Variants in FIP1L1 observed in about 807,000 individuals in gnomAD.
FIP1L1 encodes factor interacting with PAPOLA and CPSF1, also known as pre-mRNA 3'-end-processing factor FIP1.
Under a neutral mutation model 84.6 loss-of-function variants are expected in FIP1L1, and 21 were observed. The ratio of observed to expected loss-of-function variants is 0.25; its 90% confidence interval spans 0.18 to 0.36. FIP1L1 has a LOEUF of 0.36. FIP1L1 is among the 10% of genes least tolerant of loss of function. The pLI is 1.00. For synonymous variants in FIP1L1, 263 were observed against 242.3 expected, an observed-to-expected ratio of 1.09 and a Z score of -0.80; for missense variants, 526 against 751.1, an observed-to-expected ratio of 0.70 and a Z score of 3.50.
At position 53,390,499 on chromosome 4, in the gene FIP1L1, A is replaced by C. The variant is rs564318110; in HGVS notation, c.398-22A>C. The C allele has an allele frequency of 5.9e-6, 9 of 1,518,982 alleles. No individual in the cohort carries two copies. The South Asian group carries it at 8.0e-5, about 14-fold the overall frequency. 94.1% of individuals were successfully genotyped at this position (1,518,982 alleles called of 1,614,324 possible). ...GGCTTCTTGCAAGTATAGCTCCTTC[A>C]TTTTGTAATTTTATAAAACAGGGAC... On this transcript the variant is annotated intron_variant, in intron 6 of 17. Transcript: ENST00000337488.
chr4:53,423,615 T>G (rs561010747), intron 11 of FIP1L1, among the ~76,000 whole-genome samples: 1 of 152,334 alleles, frequency 6.6e-6, no homozygotes, highest in East Asian at 1.9e-4. Context: ...TAAAACATTT[T>G]GGAACAAAAC....
intron 12 of FIP1L1, among the ~76,000 whole-genome samples, chr4:53,427,529 G>T (rs1764807936): frequency 6.6e-6 from 1 of 152,196 alleles, no homozygotes; most frequent in South Asian, 2.1e-4. Context: ...CTTGCAGTCT[G>T]TTGACACATG....
At chr4:53,388,439 A>G (rs1267243631) in intron 5 of FIP1L1, among the ~76,000 whole-genome samples, 1 of 151,658 alleles carries the variant, frequency 6.6e-6, no homozygotes, top group Non-Finnish European at 1.5e-5. Flanking sequence ...GGTTCACGCC[A>G]TTCTCATGCC....
In FIP1L1 at chr4:53,452,930, C is replaced by T. The variant is rs775298159; in HGVS notation, c.1296C>T (p.Pro432=). ...RAFPYGNVAF[P]HLPGSAPSWP... is the part of the protein sequence containing the mutation. ...GTGTTTTTTCTTTAGTTGCCTTTCC[C>T]CATCTTCCTGGTTCTGCTCCTTCGT... Residue 432 remains proline (P), a synonymous_variant, in exon 16 of 18, where the codon CCC becomes CCT. Coordinates refer to ENST00000337488, the MANE Select transcript of FIP1L1 (RefSeq NM_030917.4). 6.2e-7 allele frequency: 1 copy of T among 1,612,124 alleles called. No homozygotes were observed. Among genetic ancestry groups the T allele is most frequent in the Admixed American group, 1.7e-5 (1 of 59,994 alleles).
At chr4:53,448,096 T>C (rs1293011814) in intron 15 of FIP1L1, among the ~76,000 whole-genome samples, 1 of 152,118 alleles carries the variant, frequency 6.6e-6, no homozygotes, top group Non-Finnish European at 1.5e-5. Context: ...CTCAAGTACA[T>C]AAAGATATTC....
chr4:53,387,999 G>C (rs947535243), intron 5 of FIP1L1, among the ~76,000 whole-genome samples: 2 of 152,172 alleles, frequency 1.3e-5, no homozygotes, highest in Non-Finnish European at 2.9e-5. Flanking sequence ...TTTCAAGTTG[G>C]TGACGATAGT....
intron 15 of FIP1L1, among the ~76,000 whole-genome samples, chr4:53,447,212 C>G (rs1374862399): frequency 6.6e-6 from 1 of 152,028 alleles, no homozygotes; most frequent in African/African-American, 2.4e-5. Context: ...TACATACCAT[C>G]TGTTATCTTT....
At chr4:53,390,013 A>G (rs1743325971) in intron 6 of FIP1L1, 140 bp downstream of exon 6, 1 of 601,186 alleles carries the variant, frequency 1.7e-6, no homozygotes, top group African/African-American at 1.9e-5. Flanking sequence ...ATCTTAGTTC[A>G]CTGCAACCTC....
chr4:53,404,429 G>C (rs1752059394), intron 10 of FIP1L1, among the ~76,000 whole-genome samples: 1 of 151,962 alleles, frequency 6.6e-6, no homozygotes, highest in African/African-American at 2.4e-5. Context: ...CATTTGGGTT[G>C]GTTCCAAGTC....
chr4:53,440,673 C>A, intron 13 of FIP1L1: 2 of 1,136,634 alleles, frequency 1.8e-6, no homozygotes, highest in Non-Finnish European at 2.6e-6. Context: ...CTTATAGTTA[C>A]AGGAGAGACG....
intron 16 of FIP1L1, among the ~76,000 whole-genome samples, chr4:53,455,846 T>C (rs1363267027): frequency 6.7e-6 from 1 of 149,292 alleles, no homozygotes; most frequent in Non-Finnish European, 1.5e-5. Flanking sequence ...GATTTACTCA[T>C]CTTTTTTCCG....
intron 10 of FIP1L1, among the ~76,000 whole-genome samples, chr4:53,411,152 G>T (rs10012328): frequency 6.6e-6 from 1 of 152,046 alleles, no homozygotes; most frequent in Non-Finnish European, 1.5e-5. Flanking sequence ...TTATAAAAAA[G>T]GGATGAAGGG....
At chr4:53,405,538 T>G in intron 10 of FIP1L1, among the ~76,000 whole-genome samples, 1 of 149,874 alleles carries the variant, frequency 6.7e-6, no homozygotes, top group Non-Finnish European at 1.5e-5. Context: ...TTTCCAATTC[T>G]GTGAAGAAAG....
At chr4:53,378,568 C>T (rs1312248770) in intron 1 of FIP1L1, 3 of 153,190 alleles carry the variant, frequency 2.0e-5, no homozygotes, top group Non-Finnish European at 4.4e-5. Context: ...GTTTAACCTA[C>T]ATCATGGAGG....
intron 15 of FIP1L1, among the ~76,000 whole-genome samples, chr4:53,451,352 GTTGT>G (rs1715823794): frequency 6.8e-6 from 1 of 147,590 alleles, no homozygotes; most frequent in African/African-American, 2.5e-5. Context: ...GTGTTTTTAT[GTTGT>G]TTATATTCAG....
intron 9 of FIP1L1, among the ~76,000 whole-genome samples, chr4:53,394,334 G>A (rs778428196): frequency 6.6e-6 from 1 of 152,122 alleles, no homozygotes; most frequent in Non-Finnish European, 1.5e-5. Context: ...GTAACGGTGG[G>A]CTGCTAAAAT....
At chr4:53,437,666 C>A (rs1770011438) in intron 13 of FIP1L1, among the ~76,000 whole-genome samples, 1 of 151,752 alleles carries the variant, frequency 6.6e-6, no homozygotes, top group African/African-American at 2.4e-5. Context: ...TTAAGAGACT[C>A]TCCAGGTGAT....
intron 13 of FIP1L1, among the ~76,000 whole-genome samples, chr4:53,432,886 T>G (rs1767395828): frequency 6.6e-6 from 1 of 152,212 alleles, no homozygotes; most frequent in Admixed American, 6.5e-5. Flanking sequence ...AACTTTTTTT[T>G]TTAAAGCATT....
intron 1 of FIP1L1, 193 bp downstream of exon 1, chr4:53,378,116 C>T (rs900776145): frequency 1.5e-5 from 7 of 478,862 alleles, no homozygotes; most frequent in African/African-American, 1.4e-4. Context: ...TGGCCCACGC[C>T]CACCATGCGC....
Sources: allele counts gnomAD v4.1 joint callset (sites outside exome capture counted in the v4.1 genomes callset), GRCh38; gene constraint gnomAD v4.1.1; transcripts MANE v1.5; gene names NCBI Gene and HGNC (gene_info 2026-07-23, HGNC 2026-07-21).